Variants in SLC25A48 observed in about 807,000 individuals in gnomAD.
SLC25A48 encodes the protein solute carrier family 25 member 48.
SLC25A48 carries 29 observed loss-of-function variants against 32.2 expected under a neutral mutation model. That is an observed-to-expected ratio of 0.90 (90% CI 0.67 to 1.23). The LOEUF is 1.23. Among genes scored for constraint, SLC25A48 ranks in the 50% most tolerant of loss-of-function variants. The pLI is 0.00. For synonymous variants in SLC25A48, 164 were observed against 172.3 expected, an observed-to-expected ratio of 0.95 and a Z score of 0.38; for missense variants, 399 against 422.7, an observed-to-expected ratio of 0.94 and a Z score of 0.49.
rs575817544 is a variant in SLC25A48, at chr5:135,753,214, C to A, written c.-520-59309C>A. On this transcript the variant is annotated intron_variant, in intron 3 of 10. Transcript: ENST00000646290. ...TATTTTATGCATAATATGTGTACAC[C>A]CACTGTGATATTACCAGTAATGTCT... Among the ~76,000 whole-genome samples, 3 of 151,940 alleles carry A rather than the reference C, an allele frequency of 2.0e-5. No individual in the cohort carries two copies. In the East Asian group the frequency reaches 5.8e-4, roughly 29 times the overall value.
intron 3 of SLC25A48, among the ~76,000 whole-genome samples, chr5:135,782,762 A>G (rs7380535): frequency 0.51 from 60,007 of 117,210 alleles, 23,066 homozygotes; most frequent in Middle Eastern, 0.69. Flanking sequence ...CATGGTGAGA[A>G]AGGATGATAG....
intron 3 of SLC25A48, among the ~76,000 whole-genome samples, chr5:135,773,913 A>C (rs1756480702): frequency 6.6e-6 from 1 of 151,652 alleles, no homozygotes; most frequent in Admixed American, 6.6e-5. Flanking sequence ...AATATCTATA[A>C]GGAAAGAAGA....
Position 135,784,731 on chromosome 5 carries a change from A to AT in SLC25A48, c.-520-27787dup, listed in dbSNP as rs370516382. Among the ~76,000 whole-genome samples, 118 of 117,536 alleles carry AT rather than the reference A, an allele frequency of 1.0e-3. 13 individuals carry two copies. The highest frequency in any genetic ancestry group is 2.9e-3 in the African/African-American group (111 of 38,664). 77.1% of individuals were successfully genotyped at this position (117,536 alleles called of 152,430 possible). On this transcript the variant is annotated intron_variant, in intron 3 of 10. Coordinates refer to the SLC25A48 transcript ENST00000646290. Reference sequence around the variant, plus strand: ...AGGAAGTGTACATTCCCTCCATAGTATTTTTCCTAATACCCAGTGGAAGAC... The same window carrying AT: ...AGGAAGTGTACATTCCCTCCATAGTATTTTTTCCTAATACCCAGTGGAAGAC...
In SLC25A48 at chr5:135,598,114, G is replaced by A. The variant is rs546237780; in HGVS notation, c.-849+18517G>A. Among the ~76,000 whole-genome samples, 163 of 152,292 alleles carry A rather than the reference G, an allele frequency of 1.1e-3. 1 individual carries two copies. Among genetic ancestry groups the A allele is most frequent in the Non-Finnish European group, 2.1e-3 (146 of 68,018 alleles). On this transcript the variant is annotated intron_variant, in intron 1 of 10. Coordinates refer to the SLC25A48 transcript ENST00000646290. ...AAGAACCAGTCCAAAAGAACTCAATGCAAAGTGTTACCCACTAGGATGACT... is the reference window on the plus strand; with the variant it reads ...AAGAACCAGTCCAAAAGAACTCAATACAAAGTGTTACCCACTAGGATGACT...
chr5:135,698,470 T>C (rs948315940), intron 3 of SLC25A48, among the ~76,000 whole-genome samples: 1 of 152,198 alleles, frequency 6.6e-6, no homozygotes, highest in African/African-American at 2.4e-5. Context: ...TTAAGAAAAG[T>C]CTGATCCTAT....
chr5:135,828,272 A>T (rs1427841081), intron 4 of SLC25A48, among the ~76,000 whole-genome samples: 1 of 152,240 alleles, frequency 6.6e-6, no homozygotes, highest in Non-Finnish European at 1.5e-5. Context: ...GCTAACACAG[A>T]CGTGAACACT....
intron 5 of SLC25A48, 83 bp downstream of exon 5, chr5:135,871,801 C>A: frequency 6.3e-7 from 1 of 1,583,588 alleles, no homozygotes; most frequent in Non-Finnish European, 8.6e-7. Context: ...CCCTTCTCAG[C>A]CCAGGGGGAG....
At chr5:135,732,742 C>A (rs1755258589) in intron 3 of SLC25A48, among the ~76,000 whole-genome samples, 1 of 152,052 alleles carries the variant, frequency 6.6e-6, no homozygotes, top group South Asian at 2.1e-4. Context: ...GGTGCAAGAA[C>A]CATTTGCCTT....
chr5:135,743,762 G>A (rs1326254319), intron 3 of SLC25A48, among the ~76,000 whole-genome samples: 1 of 152,178 alleles, frequency 6.6e-6, no homozygotes, highest in African/African-American at 2.4e-5. Context: ...AAGGCCAAAG[G>A]CCTCATGCAT....
chr5:135,745,038 A>T (rs1042471891), intron 3 of SLC25A48, among the ~76,000 whole-genome samples: 1 of 152,140 alleles, frequency 6.6e-6, no homozygotes, highest in African/African-American at 2.4e-5. Context: ...TGCCGAGACC[A>T]GCTCGGTTGT....
intron 4 of SLC25A48, among the ~76,000 whole-genome samples, chr5:135,857,588 AT>A (rs997013637): frequency 6.6e-6 from 1 of 152,266 alleles, no homozygotes; most frequent in Non-Finnish European, 1.5e-5. Flanking sequence ...TGTGCTGAGA[AT>A]GCAGTGGTGA....
intron 1 of SLC25A48, among the ~76,000 whole-genome samples, chr5:135,581,422 AG>A (rs1227289094): frequency 1.3e-5 from 2 of 152,266 alleles, no homozygotes; most frequent in Non-Finnish European, 2.9e-5. Context: ...GACTTTTCAT[AG>A]AAATTGCCAA....
intron 1 of SLC25A48, among the ~76,000 whole-genome samples, chr5:135,596,859 C>T (rs573171621): frequency 1.3e-5 from 2 of 152,282 alleles, no homozygotes; most frequent in Middle Eastern, 3.4e-3. Flanking sequence ...GGAGACAGTT[C>T]TGCTTTAATG....
intron 3 of SLC25A48, among the ~76,000 whole-genome samples, chr5:135,664,098 A>G (rs1753467735): frequency 6.6e-6 from 1 of 152,180 alleles, no homozygotes. Context: ...CCCATTGCCC[A>G]CTGAATAAAA....
chr5:135,855,158 T>C (rs1181703004), intron 4 of SLC25A48, among the ~76,000 whole-genome samples: 1 of 152,072 alleles, frequency 6.6e-6, no homozygotes, highest in African/African-American at 2.4e-5. Flanking sequence ...TATGACAAGG[T>C]TGAAAATATT....
At chr5:135,683,137 G>A (rs768780038) in intron 3 of SLC25A48, among the ~76,000 whole-genome samples, 1 of 152,080 alleles carries the variant, frequency 6.6e-6, no homozygotes, top group Non-Finnish European at 1.5e-5. Context: ...CCATTGACCT[G>A]ACTGCACCTG....
At chr5:135,850,146 G>A (rs1759726379) in intron 2 of SLC25A48, among the ~76,000 whole-genome samples, 1 of 152,168 alleles carries the variant, frequency 6.6e-6, no homozygotes, top group Non-Finnish European at 1.5e-5. Flanking sequence ...TTAGGTTTTT[G>A]TACTCAAGAG....
intron 7 of SLC25A48, among the ~76,000 whole-genome samples, chr5:135,883,692 G>A (rs1040760257): frequency 2.0e-5 from 3 of 152,176 alleles, no homozygotes; most frequent in African/African-American, 7.2e-5. Context: ...ACCTTCTAGG[G>A]GTTCTCCCAC....
intron 3 of SLC25A48, among the ~76,000 whole-genome samples, chr5:135,737,308 G>T (rs1321878841): frequency 6.6e-6 from 1 of 152,052 alleles, no homozygotes; most frequent in Non-Finnish European, 1.5e-5. Context: ...GCTCAGTGGG[G>T]GAGACTTTGA....
Sources: allele counts gnomAD v4.1 joint callset (sites outside exome capture counted in the v4.1 genomes callset), GRCh38; gene constraint gnomAD v4.1.1; transcripts MANE v1.5; gene names NCBI Gene and HGNC (gene_info 2026-07-23, HGNC 2026-07-21).